RRP12: variants seen among roughly 807,000 people sequenced by gnomAD.
RRP12 encodes RRP12-like protein.
Under a neutral mutation model 157.3 loss-of-function variants are expected in RRP12, and 78 were observed. That is an observed-to-expected ratio of 0.50 (90% CI 0.41 to 0.60). RRP12 has a LOEUF of 0.60. Ranked by LOEUF, RRP12 falls within the 20% of genes least tolerant of loss-of-function variation. The pLI, the probability that RRP12 is intolerant of heterozygous loss-of-function variation, is 0.00. For missense variants in RRP12, 1,521 were observed against 1,679.9 expected, an observed-to-expected ratio of 0.91 and a Z score of 1.65; for synonymous variants, 726 against 670.9, an observed-to-expected ratio of 1.08 and a Z score of -1.27.
chr10:97,365,609 T>C (rs1394159777), intron 29 of RRP12, among the ~76,000 whole-genome samples: 1 of 151,438 alleles, frequency 6.6e-6, no homozygotes. Context: ...GCTGGATATG[T>C]GGAGAGGGGC....
chr10:97,399,968 G>C (rs1036423056), intron 2 of RRP12, among the ~76,000 whole-genome samples: 18 of 152,022 alleles, frequency 1.2e-4, no homozygotes, highest in Non-Finnish European at 2.5e-4. Context: ...TTTAGTTCTT[G>C]CTAGATAAAA....
At chr10:97,391,701 C>T (rs978294633) in intron 4 of RRP12, among the ~76,000 whole-genome samples, 1 of 152,158 alleles carries the variant, frequency 6.6e-6, no homozygotes, top group African/African-American at 2.4e-5. Flanking sequence ...GCGGGTGGAT[C>T]ATGAGGTCAG....
chr10:97,361,116 G>A (rs140146505), intron 30 of RRP12, among the ~76,000 whole-genome samples: 225 of 152,286 alleles, frequency 1.5e-3, no homozygotes, highest in Admixed American at 5.1e-3. Flanking sequence ...TGTGCTCCAC[G>A]GGCTCTCAGG....
At position 97,396,157 on chromosome 10, in the gene RRP12, C is replaced by T. The variant is rs929457998; in HGVS notation, c.453+61G>A. 6 of 1,211,624 alleles carry T rather than the reference C, an allele frequency of 5.0e-6. No individual in the cohort carries two copies. In the South Asian group the frequency reaches 6.1e-5, roughly 12 times the overall value. 75.1% of individuals were successfully genotyped at this position (1,211,624 alleles called of 1,614,324 possible). A position where few individuals can be genotyped will look rare whatever the true frequency, so the allele number is the denominator to read the frequency against. ...CCCACATGCCAGGGGCACTCATCTT[C>T]TCGCTAAATCTTGCATAACCTGCTG... On this transcript the variant is annotated intron_variant, in intron 3 of 33. Coordinates refer to ENST00000370992, the MANE Select transcript of RRP12 (RefSeq NM_015179.4).
At chr10:97,390,997 C>G (rs1247401138) in intron 4 of RRP12, among the ~76,000 whole-genome samples, 153 bp from the exon 5 acceptor site, 1 of 152,162 alleles carries the variant, frequency 6.6e-6, no homozygotes, top group Non-Finnish European at 1.5e-5. Context: ...CCCACCTTAT[C>G]AGCCAGCTCA....
intron 6 of RRP12, among the ~76,000 whole-genome samples, chr10:97,389,960 A>C (rs1472729423): frequency 6.6e-5 from 10 of 151,624 alleles, no homozygotes; most frequent in Non-Finnish European, 7.4e-5. Context: ...TGATCCTCCC[A>C]CTTTGGCCTC....
chr10:97,359,223 C>T (rs1203619907), intron 31 of RRP12, among the ~76,000 whole-genome samples: 1 of 152,176 alleles, frequency 6.6e-6, no homozygotes, highest in Non-Finnish European at 1.5e-5. Context: ...CTCAGACTGA[C>T]CCAGAAGCCT....
chr10:97,378,540 T>G (rs1844372897), intron 15 of RRP12, among the ~76,000 whole-genome samples: 1 of 152,184 alleles, frequency 6.6e-6, no homozygotes, highest in Non-Finnish European at 1.5e-5. Flanking sequence ...TGTGTATGTG[T>G]ACATACATAT....
At chr10:97,379,528 C>A in intron 14 of RRP12, 100 bp downstream of exon 14, 2 of 1,589,878 alleles carry the variant, frequency 1.3e-6, no homozygotes, top group Non-Finnish European at 1.7e-6. Flanking sequence ...CCTGCTGAGC[C>A]CTGCACTGAC....
chr10:97,389,608 C>T (rs920676771), intron 6 of RRP12, among the ~76,000 whole-genome samples: 1 of 152,142 alleles, frequency 6.6e-6, no homozygotes, highest in African/African-American at 2.4e-5. Flanking sequence ...AGTGGGGAAC[C>T]ATCACTCACC....
chr10:97,378,580 G>C (rs1190142379), intron 15 of RRP12, among the ~76,000 whole-genome samples: 2 of 152,070 alleles, frequency 1.3e-5, no homozygotes, highest in African/African-American at 4.8e-5. Context: ...CACCTGGCTG[G>C]GCACGGTGGC....
At chr10:97,394,463 C>T (rs752401919) in intron 3 of RRP12, among the ~76,000 whole-genome samples, 7 of 152,122 alleles carry the variant, frequency 4.6e-5, no homozygotes, top group Non-Finnish European at 8.8e-5. Context: ...AATCATAGCT[C>T]ACTGTAACCT....
chr10:97,380,496 A>G (rs964140828), intron 13 of RRP12, among the ~76,000 whole-genome samples: 2 of 152,256 alleles, frequency 1.3e-5, no homozygotes, highest in Non-Finnish European at 2.9e-5. Context: ...GGAAACTTAG[A>G]TAATTAAAAT....
chr10:97,366,567 TTCC>T lies in RRP12; in HGVS notation c.3267_3269del (p.Glu1090del), dbSNP rs986648819. 1.2e-6 allele frequency: 2 copies of T among 1,613,984 alleles called. No individual in the cohort carries two copies. Among genetic ancestry groups the T allele is most frequent in the African/African-American group, 1.3e-5 (1 of 74,932 alleles). On this transcript the variant is annotated inframe_deletion, in exon 28 of 34. Transcript: ENST00000370992. ...TCCGCTGCTCCTTGCCTCGGCTTCT[TTCC>T]TCCTCCTCATTGTCCTCCTCGTCCT...
intron 17 of RRP12, 92 bp downstream of exon 17, chr10:97,373,483 G>T: frequency 7.4e-7 from 1 of 1,355,324 alleles, no homozygotes; most frequent in Non-Finnish European, 9.9e-7. Context: ...AGTTTCTGTG[G>T]CTCTGCCTGG....
intron 3 of RRP12, among the ~76,000 whole-genome samples, chr10:97,395,209 C>T (rs181097582): frequency 0.035 from 3,497 of 98,882 alleles, 64 homozygotes; most frequent in Middle Eastern, 0.12. Context: ...TACACATATA[C>T]ACACACACAC....
intron 8 of RRP12, among the ~76,000 whole-genome samples, chr10:97,386,406 C>A (rs1161241052): frequency 6.6e-6 from 1 of 151,830 alleles, no homozygotes; most frequent in African/African-American, 2.4e-5. Context: ...GTTGCCCAAG[C>A]TGGTCTCAAA....
intron 10 of RRP12, among the ~76,000 whole-genome samples, chr10:97,382,142 G>T (rs1476140476): frequency 6.6e-6 from 1 of 151,986 alleles, no homozygotes; most frequent in South Asian, 2.1e-4. Flanking sequence ...TACCCTTCCA[G>T]AAGTTCTAAA....
chr10:97,398,823 CAATGA>C (rs1845057360), intron 2 of RRP12, among the ~76,000 whole-genome samples: 1 of 151,732 alleles, frequency 6.6e-6, no homozygotes, highest in Admixed American at 6.6e-5. Flanking sequence ...CAAGTATTTC[CAATGA>C]AAATTTAGCA....
Sources: gnomAD v4.1 joint callset for allele counts (sites outside exome capture counted in the v4.1 genomes callset) on GRCh38, gnomAD v4.1.1 for gene constraint, MANE v1.5 for transcripts, NCBI Gene and HGNC (gene_info 2026-07-23, HGNC 2026-07-21) for gene names.